TRAPPC10: variants seen among roughly 807,000 people sequenced by gnomAD.
The protein encoded by TRAPPC10 is TRAPP 130 kDa subunit.
In TRAPPC10, 23 loss-of-function variants were observed where a neutral mutation model predicts 125.5. The ratio of observed to expected loss-of-function variants is 0.18; its 90% CI spans 0.13 to 0.26. The LOEUF is 0.26. Ranked by LOEUF, TRAPPC10 falls within the 10% of genes least tolerant of loss-of-function variation. TRAPPC10 has a pLI of 1.00. For synonymous variants in TRAPPC10, 509 were observed against 518.0 expected (o/e 0.98, Z 0.24); for missense variants, 1,123 against 1,308.4 (o/e 0.86, Z 2.19).
chr21:44,025,047 G>T (rs1341590877), intron 1 of TRAPPC10, among the ~76,000 whole-genome samples: 2 of 152,194 alleles, frequency 1.3e-5, no homozygotes, highest in Non-Finnish European at 2.9e-5. Flanking sequence ...TATTCTGCCA[G>T]TCCCCTCCTG....
intron 3 of TRAPPC10, among the ~76,000 whole-genome samples, chr21:44,050,222 G>A (rs1344602916): frequency 1.4e-5 from 2 of 146,236 alleles, no homozygotes; most frequent in African/African-American, 2.5e-5. Flanking sequence ...CTTGCCAACC[G>A]GTTTGCCCCA....
chr21:44,064,390 C>G (rs1438747460), intron 7 of TRAPPC10, among the ~76,000 whole-genome samples: 1 of 151,934 alleles, frequency 6.6e-6, no homozygotes, highest in Non-Finnish European at 1.5e-5. Context: ...TAAATTCACC[C>G]AAGCACTGAA....
chr21:44,013,135 G>A (rs1601523653), intron 1 of TRAPPC10, among the ~76,000 whole-genome samples: 1 of 132,068 alleles, frequency 7.6e-6, no homozygotes, highest in South Asian at 2.4e-4. Context: ...GCCGAGGCTC[G>A]GGCGCTTAGG....
At chr21:44,014,336 G>C (rs923190589) in intron 1 of TRAPPC10, among the ~76,000 whole-genome samples, 1 of 151,812 alleles carries the variant, frequency 6.6e-6, no homozygotes, top group Non-Finnish European at 1.5e-5. Flanking sequence ...TTATTGGATT[G>C]TCATCTTGGT....
intron 1 of TRAPPC10, among the ~76,000 whole-genome samples, chr21:44,026,284 A>G (rs1290788982): frequency 4.6e-5 from 7 of 152,168 alleles, no homozygotes; most frequent in African/African-American, 1.7e-4. Flanking sequence ...TTCCATACCC[A>G]TGATTATGCA....
At chr21:44,083,478 T>C (rs1463966299) in intron 14 of TRAPPC10, among the ~76,000 whole-genome samples, 176 bp downstream of exon 14, 1 of 152,234 alleles carries the variant, frequency 6.6e-6, no homozygotes, top group African/African-American at 2.4e-5. Flanking sequence ...TTTTATACAA[T>C]TTTCTGACAT....
intron 1 of TRAPPC10, among the ~76,000 whole-genome samples, chr21:44,025,824 GTGTGTGTGTGTGT>G (rs2032995640): frequency 2.6e-3 from 4 of 1,532 alleles, no homozygotes; most frequent in South Asian, 0.067. Flanking sequence ...GGGCAGGGGT[GTGTGTGTGTGTGT>G]GTGTGTGTGT....
intron 1 of TRAPPC10, among the ~76,000 whole-genome samples, chr21:44,030,915 G>A (rs955639798): frequency 9.9e-5 from 15 of 152,166 alleles, no homozygotes; most frequent in African/African-American, 3.6e-4. Context: ...TGACTGACGT[G>A]TCTTGTCTCA....
At chr21:44,031,366 A>AT (rs2033565612) in intron 1 of TRAPPC10, among the ~76,000 whole-genome samples, 1 of 152,234 alleles carries the variant, frequency 6.6e-6, no homozygotes, top group African/African-American at 2.4e-5. Flanking sequence ...TTATATCATC[A>AT]TTTTATGAGA....
chr21:44,014,607 T>TC (rs35595005), intron 1 of TRAPPC10, among the ~76,000 whole-genome samples: 1 of 150,786 alleles, frequency 6.6e-6, no homozygotes, highest in African/African-American at 2.5e-5. Flanking sequence ...TTTTTTTTTT[T>TC]CAGTAGAGAC....
At position 44,059,023 on chromosome 21, in the gene TRAPPC10, C is replaced by A; in HGVS notation, c.679-80C>A. On this transcript the variant is annotated intron_variant, in intron 5 of 22. Coordinates refer to ENST00000291574, the MANE Select transcript of TRAPPC10 (RefSeq NM_003274.5). The surrounding 1 kb of genome is among the most constrained non-coding windows in gnomAD (Gnocchi z 4.4). ...CATAGTGCTGCGTGCCTTTCTCTGT[C>A]GTTTAATGGCTACATACTGTTTCTT... 1 of 1,105,178 alleles carries A rather than the reference C, an allele frequency of 9.0e-7. No homozygotes were observed. Among genetic ancestry groups the A allele is most frequent in the Non-Finnish European group, 1.3e-6 (1 of 772,680 alleles). 68.5% of individuals were successfully genotyped at this position (1,105,178 alleles called of 1,614,324 possible).
chr21:44,078,970 C>T lies in TRAPPC10; in HGVS notation c.1470-594C>T, dbSNP rs531733354. On this transcript the variant is annotated intron_variant, in intron 11 of 22. Coordinates refer to ENST00000291574, the MANE Select transcript of TRAPPC10 (RefSeq NM_003274.5). ...TTAAAAAAAACAGTTGTGCTTTAAA[C>T]TTTGCTTTGGGGGCCAAGTGTGGCT... 2.6e-5 allele frequency among the ~76,000 whole-genome samples: 4 copies of T among 152,236 alleles called. No individual in the cohort carries two copies. In the East Asian group the frequency reaches 7.7e-4, roughly 29 times the overall value.
At chr21:44,046,403 T>G (rs2034808931) in intron 3 of TRAPPC10, 1 of 280,150 alleles carries the variant, frequency 3.6e-6, no homozygotes, top group Non-Finnish European at 7.5e-6. Flanking sequence ...GTGTGTGCAG[T>G]GACACCACCA....
rs147095356 is a variant in TRAPPC10, at chr21:44,059,105, G to T, written c.681G>T (p.Glu227Asp). The T allele has an allele frequency of 6.3e-7, 1 of 1,588,856 alleles. No homozygotes were observed. The highest frequency in any genetic ancestry group is 8.5e-7 in the Non-Finnish European group (1 of 1,169,868). The change falls in exon 6 of 23, where the codon GAG (glutamate) becomes GAT (aspartate). Residue 227 changes from glutamate to aspartate, a missense_variant and splice_region_variant. Physicochemically the swap from Glu to Asp is conservative, Grantham distance 45. Transcript: ENST00000291574. This position sits in a 1 kb window ranked among gnomAD's most constrained non-coding sequence, Gnocchi z 4.4. The part of the protein sequence containing the change: ...WSFCEYFMVQ[E>D]ELAFVFEMLQ... ...AAAAACGTATCTTGGGCGAATAGGA[G>T]GAGCTTGCCTTTGTTTTCGAGATGC...
At chr21:44,042,797 A>AT in intron 3 of TRAPPC10, among the ~76,000 whole-genome samples, 1 of 152,248 alleles carries the variant, frequency 6.6e-6, no homozygotes, top group African/African-American at 2.4e-5. Flanking sequence ...TGGTTGATGT[A>AT]TTATTTGGTG....
intron 2 of TRAPPC10, among the ~76,000 whole-genome samples, chr21:44,036,327 C>G (rs748065438): frequency 1.1e-4 from 17 of 152,220 alleles, no homozygotes; most frequent in Admixed American, 4.6e-4. Context: ...CCCTAGAATT[C>G]TTTATCATTC....
At chr21:44,012,893 G>T (rs1347630614) in intron 1 of TRAPPC10, among the ~76,000 whole-genome samples, 1 of 151,958 alleles carries the variant, frequency 6.6e-6, no homozygotes, top group Non-Finnish European at 1.5e-5. Context: ...TCCCGCCCCC[G>T]TTGAGCCGCG....
chr21:44,017,692 GCA>G (rs1325629967), intron 1 of TRAPPC10, among the ~76,000 whole-genome samples: 2 of 151,424 alleles, frequency 1.3e-5, no homozygotes, highest in African/African-American at 4.8e-5. Context: ...GAGCTCTGTG[GCA>G]CCTCTCACCT....
chr21:44,022,335 G>A (rs1292398823), intron 1 of TRAPPC10, among the ~76,000 whole-genome samples: 1 of 144,544 alleles, frequency 6.9e-6, no homozygotes, highest in Non-Finnish European at 1.5e-5. Context: ...CCATGCTGGA[G>A]TGCAGTGGTG....
Sources: allele counts gnomAD v4.1 joint callset (sites outside exome capture counted in the v4.1 genomes callset), GRCh38; gene constraint gnomAD v4.1.1; non-coding constraint Gnocchi (gnomAD v3.1); transcripts MANE v1.5; gene names NCBI Gene and HGNC (gene_info 2026-07-23, HGNC 2026-07-21).